Variants in PELI2 observed in about 807,000 individuals in gnomAD.
PELI2 encodes the protein E3 ubiquitin-protein ligase pellino homolog 2.
In PELI2, 23 loss-of-function variants were observed where a neutral mutation model predicts 42.3. The observed-to-expected ratio is 0.54, with a 90% CI of 0.39 to 0.77. The LOEUF (loss-of-function observed/expected upper bound fraction) is 0.77. PELI2 is among the 30% of genes least tolerant of loss of function. PELI2 has a pLI of 0.00. For synonymous variants in PELI2, 245 were observed against 212.2 expected (o/e 1.15, Z -1.34); for missense variants, 463 against 553.2 (o/e 0.84, Z 1.64).
chr14:56,224,677 T>C (rs1887275721), intron 2 of PELI2, among the ~76,000 whole-genome samples: 1 of 152,228 alleles, frequency 6.6e-6, no homozygotes, highest in African/African-American at 2.4e-5. Flanking sequence ...GAATTTAATA[T>C]ATTTTTTGTG....
intron 2 of PELI2, among the ~76,000 whole-genome samples, chr14:56,223,204 C>A (rs2139753742): frequency 6.6e-6 from 1 of 152,266 alleles, no homozygotes; most frequent in Admixed American, 6.5e-5. Context: ...CTGCCGCTGC[C>A]AAGGGAGTCT....
At chr14:56,204,593 G>A (rs1886447683) in intron 2 of PELI2, among the ~76,000 whole-genome samples, 1 of 152,108 alleles carries the variant, frequency 6.6e-6, no homozygotes. Flanking sequence ...AAATGTATGG[G>A]TGTGGAGCTC....
chr14:56,268,662 C>T (rs1429698408), intron 2 of PELI2, among the ~76,000 whole-genome samples: 1 of 152,128 alleles, frequency 6.6e-6, no homozygotes, highest in African/African-American at 2.4e-5. Context: ...TGGGGTTGTT[C>T]AGGGTCACTT....
At position 56,180,148 on chromosome 14, in the gene PELI2, C is replaced by T. The variant is rs997647392; in HGVS notation, c.207+1684C>T. Among the ~76,000 whole-genome samples the T allele has an allele frequency of 6.6e-5, 10 of 151,940 alleles. No homozygotes were observed. Among genetic ancestry groups the T allele is most frequent in the Non-Finnish European group, 1.5e-4 (10 of 68,006 alleles). Reference sequence around the variant, plus strand: ...TAAGTCTGTGTTTAAAAATATTACCCACAGTACTAAAAGTAGGGCAGATTG... The same window carrying T: ...TAAGTCTGTGTTTAAAAATATTACCTACAGTACTAAAAGTAGGGCAGATTG... On this transcript the variant is annotated intron_variant, in intron 2 of 5. Coordinates refer to ENST00000267460, the MANE Select transcript of PELI2 (RefSeq NM_021255.3). This position sits in a 1 kb window ranked among gnomAD's most constrained non-coding sequence, Gnocchi z 4.4.
chr14:56,169,200 T>A (rs1885078726), intron 1 of PELI2, among the ~76,000 whole-genome samples: 1 of 152,142 alleles, frequency 6.6e-6, no homozygotes, highest in Non-Finnish European at 1.5e-5. Flanking sequence ...TGTCTAAGTA[T>A]GTCATGTGTC....
At chr14:56,284,999 G>T (rs1246620675) in intron 3 of PELI2, among the ~76,000 whole-genome samples, 1 of 152,214 alleles carries the variant, frequency 6.6e-6, no homozygotes, top group African/African-American at 2.4e-5. Flanking sequence ...GGACCTTCAG[G>T]CCAGGTTGAG....
chr14:56,154,612 A>G (rs1342515849), intron 1 of PELI2, among the ~76,000 whole-genome samples: 5 of 152,228 alleles, frequency 3.3e-5, no homozygotes, highest in African/African-American at 9.6e-5. Context: ...TCCCTTATAA[A>G]TTGCCCAGTC....
intron 2 of PELI2, among the ~76,000 whole-genome samples, chr14:56,205,675 G>A (rs1369352965): frequency 6.6e-6 from 1 of 152,234 alleles, no homozygotes. Context: ...CTGTCAGATA[G>A]TGTTTATGTG....
intron 1 of PELI2, among the ~76,000 whole-genome samples, chr14:56,159,192 A>C (rs527526144): frequency 7.9e-5 from 12 of 152,176 alleles, no homozygotes; most frequent in Non-Finnish European, 1.8e-4. Context: ...ACTTAAAACA[A>C]TTGTTTGCTC....
At chr14:56,234,655 A>G (rs1345017570) in intron 2 of PELI2, among the ~76,000 whole-genome samples, 1 of 152,176 alleles carries the variant, frequency 6.6e-6, no homozygotes, top group African/African-American at 2.4e-5. Flanking sequence ...AATGTAAATG[A>G]TGAGTTAATG....
intron 4 of PELI2, among the ~76,000 whole-genome samples, chr14:56,289,724 A>T (rs1412179399): frequency 6.6e-6 from 1 of 152,196 alleles, no homozygotes; most frequent in Admixed American, 6.5e-5. Context: ...CGTCATGTCA[A>T]GCTACATGCG....
At chr14:56,244,935 T>G (rs1888099244) in intron 2 of PELI2, among the ~76,000 whole-genome samples, 1 of 152,200 alleles carries the variant, frequency 6.6e-6, no homozygotes, top group Non-Finnish European at 1.5e-5. Context: ...TAAAACTGGA[T>G]AATACTGCTG....
intron 2 of PELI2, among the ~76,000 whole-genome samples, chr14:56,196,564 A>G (rs970632972): frequency 2.6e-5 from 4 of 152,224 alleles, no homozygotes; most frequent in African/African-American, 9.7e-5. Flanking sequence ...TTCTCTTGCC[A>G]AAGCTGTCTT....
At chr14:56,134,065 C>T (rs2139592510) in intron 1 of PELI2, among the ~76,000 whole-genome samples, 1 of 152,246 alleles carries the variant, frequency 6.6e-6, no homozygotes, top group East Asian at 1.9e-4. Flanking sequence ...AAGAATGTGT[C>T]TTCCAAGGTA....
intron 2 of PELI2, among the ~76,000 whole-genome samples, chr14:56,277,671 C>G (rs1022529917): frequency 1.3e-5 from 2 of 152,068 alleles, no homozygotes; most frequent in Non-Finnish European, 2.9e-5. Context: ...AGCACCCTGT[C>G]CATGGCTGTG....
rs2139913001 is a variant in PELI2, at chr14:56,297,321, GT to G, written c.*156del. 1 of 611,362 alleles carries G rather than the reference GT, an allele frequency of 1.6e-6. No individual in the cohort carries two copies. 37.9% of individuals were successfully genotyped at this position (611,362 alleles called of 1,614,324 possible). The stretch of plus-strand genomic sequence containing the variant: ...GACATGGTGATGAAACATGGCAGGA[GT>G]GTAACAGATACCAGTGGTGTGTTGC... On this transcript the variant is annotated 3_prime_UTR_variant, in exon 6 of 6. Coordinates refer to ENST00000267460, the MANE Select transcript of PELI2 (RefSeq NM_021255.3).
intron 2 of PELI2, among the ~76,000 whole-genome samples, chr14:56,267,188 G>A (rs1450271596): frequency 6.6e-6 from 1 of 151,938 alleles, no homozygotes; most frequent in Non-Finnish European, 1.5e-5. Flanking sequence ...GAACCCGAGG[G>A]ACCCCATAAA....
chr14:56,142,821 A>G (rs911643526), intron 1 of PELI2, among the ~76,000 whole-genome samples: 1 of 152,128 alleles, frequency 6.6e-6, no homozygotes, highest in Admixed American at 6.5e-5. Flanking sequence ...AAATTATAGG[A>G]CCAGATTTAG....
intron 2 of PELI2, among the ~76,000 whole-genome samples, chr14:56,258,750 A>G (rs1256534919): frequency 6.6e-6 from 1 of 152,168 alleles, no homozygotes; most frequent in Non-Finnish European, 1.5e-5. Flanking sequence ...GGTGGTCTCA[A>G]ATATGTGTAA....
Sources: allele counts gnomAD v4.1 joint callset (sites outside exome capture counted in the v4.1 genomes callset), GRCh38; gene constraint gnomAD v4.1.1; non-coding constraint Gnocchi (gnomAD v3.1); transcripts MANE v1.5; gene names NCBI Gene and HGNC (gene_info 2026-07-23, HGNC 2026-07-21).